The following MYO15B variants were observed in gnomAD, a reference collection of about 807,000 sequenced individuals.
MYO15B encodes the protein myosin XVB, also known as myosin XVB pseudogene.
A neutral mutation model predicts 119.3 loss-of-function variants in MYO15B; 207 were observed. The observed-to-expected ratio is 1.73, with a 90% CI of 1.55 to 1.95. MYO15B has a LOEUF of 1.95. Ranked by LOEUF, MYO15B falls within the 30% of genes most tolerant of loss-of-function variation. The pLI is 0.00. For synonymous variants in MYO15B, 966 were observed against 498.9 expected (o/e 1.94, Z -12.48); for missense variants, 2,264 against 1,203.1 (o/e 1.88, Z -13.04).
intron 9 of MYO15B, 81 bp downstream of exon 9, chr17:75,592,921 T>C: frequency 1.5e-6 from 1 of 653,054 alleles, no homozygotes; most frequent in Non-Finnish European, 2.8e-6. Flanking sequence ...CAAATGCTGG[T>C]GTGTAGGAGA....
exon 49 of MYO15B, chr17:75,620,572 G>A (rs2058649573): frequency 1.4e-6 from 1 of 702,886 alleles, no homozygotes; most frequent in Non-Finnish European, 2.6e-6. Flanking sequence ...CAGAGGAGTG[G>A]CTGGCACAAG....
intron 57 of MYO15B, 22 bp downstream of exon 57, chr17:75,624,469 G>A (rs980803520): frequency 4.3e-6 from 3 of 702,836 alleles, no homozygotes; most frequent in African/African-American, 3.5e-5. Flanking sequence ...GGCCACCAAG[G>A]GAGGAGGCCT....
In MYO15B at chr17:75,618,038, G is replaced by A. The variant is rs1182625748; in HGVS notation, c.6928-88G>A. The A allele has an allele frequency of 1.2e-5, 8 of 694,332 alleles. No homozygotes were observed. In the East Asian group the frequency reaches 2.2e-4, roughly 19 times the overall value. 43.0% of individuals were successfully genotyped at this position (694,332 alleles called of 1,614,324 possible). The stretch of plus-strand genomic sequence containing the variant: ...CCCTCCCCACAGCCCACCATCTCAA[G>A]GCTGATTTTCCAGGCCTGGGAGGGC... On this transcript the variant is annotated intron_variant, in intron 42 of 63. Transcript: ENST00000645453.
chr17:75,613,742 C>G (rs1054148070), exon 29 of MYO15B: 3 of 702,494 alleles, frequency 4.3e-6, no homozygotes, highest in Non-Finnish European at 5.2e-6. Context: ...CTTGGACCAC[C>G]GGGGAGCAGC....
exon 32 of MYO15B, chr17:75,614,812 A>G (rs1418501393): frequency 1.4e-6 from 1 of 702,772 alleles, no homozygotes; most frequent in Non-Finnish European, 2.6e-6. Context: ...GGCTTCCTGG[A>G]CCAGATCTTC....
In MYO15B at chr17:75,619,205, G is replaced by GA; in HGVS notation, c.7053dup (p.Asp2352ArgfsTer122). On this transcript the variant is annotated frameshift_variant, in exon 44 of 64. Transcript: ENST00000645453. LOFTEE classifies it high-confidence loss of function. ...TTTCCCAGAATGAGCGGCGGAAAAT[G>GA]AAAGACCTGCTGGGTATGGGTCCAG... 1 of 702,840 alleles carries GA rather than the reference G, an allele frequency of 1.4e-6. No individual in the cohort carries two copies. Among genetic ancestry groups the GA allele is most frequent in the Non-Finnish European group, 2.6e-6 (1 of 384,994 alleles). 43.5% of individuals were successfully genotyped at this position (702,840 alleles called of 1,614,324 possible).
intron 13 of MYO15B, 69 bp from the exon 14 acceptor site, chr17:75,596,699 T>C (rs1355723269): frequency 3.0e-6 from 2 of 671,084 alleles, no homozygotes; most frequent in East Asian, 2.7e-5. Context: ...TGAGCCTCAA[T>C]GTACTATTCT....
At position 75,616,210 on chromosome 17, in the gene MYO15B, G is replaced by A. The variant is rs1286754308; in HGVS notation, c.6109+63G>A. On this transcript the variant is annotated intron_variant, in intron 37 of 63. Transcript: ENST00000645453. ...TGGCCAGTGCCCCTGGCCCGGGCCA[G>A]GGAGGGTGGGGTGTGCTCTGCTCCC... 4 of 574,672 alleles carry A rather than the reference G, an allele frequency of 7.0e-6. No individual in the cohort carries two copies. In the African/African-American group the frequency reaches 7.5e-5, roughly 11 times the overall value. The allele number at this position is 574,672 out of a possible 1,614,324, so 35.6% of individuals were successfully genotyped here. A position where few individuals can be genotyped will look rare whatever the true frequency, so the allele number is the denominator to read the frequency against.
At chr17:75,619,297 A>C (rs1327574255) in intron 44 of MYO15B, 61 bp from the exon 45 acceptor site, 5 of 702,080 alleles carry the variant, frequency 7.1e-6, no homozygotes, top group Non-Finnish European at 1.3e-5. Context: ...GCAGCATGGG[A>C]GCAAACTCTA....
intron 15 of MYO15B, chr17:75,602,177 G>T (rs2057326348): frequency 5.3e-6 from 2 of 375,882 alleles, no homozygotes; most frequent in Non-Finnish European, 5.0e-6. Flanking sequence ...CCCCAAAAAA[G>T]AAATACAAGG....
exon 22 of MYO15B, chr17:75,610,194 T>C (rs820136): frequency 0.052 from 36,177 of 701,024 alleles, 3,285 homozygotes; most frequent in African/African-American, 0.32. Context: ...GCGGGCAGCT[T>C]TGGGACAGCT....
chr17:75,610,414 C>T (rs545885251), intron 22 of MYO15B, among the ~76,000 whole-genome samples, 155 bp downstream of exon 22: 198 of 152,314 alleles, frequency 1.3e-3, no homozygotes, highest in African/African-American at 4.4e-3. Context: ...CTTTTCCCTC[C>T]GGCCGGGGTA....
Position 75,616,519 on chromosome 17 carries a change from G to A in MYO15B, c.6245-5G>A. On this transcript the variant is annotated splice_region_variant and splice_polypyrimidine_tract_variant and intron_variant, in intron 38 of 63. Transcript: ENST00000645453. Reference sequence around the variant, plus strand: ...GGTTAACAGTCTTTCCTGTTTCCTGGTCAGTGCCGTCCCCTCCTCCTCCCC... The same window carrying A: ...GGTTAACAGTCTTTCCTGTTTCCTGATCAGTGCCGTCCCCTCCTCCTCCCC... 1 of 701,284 alleles carries A rather than the reference G, an allele frequency of 1.4e-6. No homozygotes were observed. The highest frequency in any genetic ancestry group is 1.5e-5 in the South Asian group (1 of 67,522). The allele number at this position is 701,284 out of a possible 1,614,324, so 43.4% of individuals were successfully genotyped here.
chr17:75,588,283 G>A, exon 1 of MYO15B: 1 of 398,294 alleles, frequency 2.5e-6, no homozygotes, highest in Non-Finnish European at 4.4e-6. Flanking sequence ...GGGGAACGGC[G>A]GCTGCAGACG....
At chr17:75,615,958 G>A (rs927598727) in intron 36 of MYO15B, 74 bp downstream of exon 36, 4 of 603,168 alleles carry the variant, frequency 6.6e-6, no homozygotes, top group Non-Finnish European at 8.9e-6. Flanking sequence ...TGGGCAGGGT[G>A]AGTAGGCAGA....
At chr17:75,587,883 C>G (rs1023457490) in exon 1 of MYO15B, among the ~76,000 whole-genome samples, 4 of 152,266 alleles carry the variant, frequency 2.6e-5, no homozygotes, top group Admixed American at 2.6e-4. Flanking sequence ...CAGGACCCGC[C>G]GCCTTCTGCA....
chr17:75,603,523 G>A (rs774567049), intron 19 of MYO15B, among the ~76,000 whole-genome samples: 1 of 151,968 alleles, frequency 6.6e-6, no homozygotes, highest in African/African-American at 2.4e-5. Flanking sequence ...ATCCCTCCAC[G>A]CATTCGTCAT....
exon 59 of MYO15B, chr17:75,624,881 G>C (rs1415826459): frequency 1.4e-6 from 1 of 703,010 alleles, no homozygotes; most frequent in African/African-American, 1.7e-5. Context: ...ACTGCACTTC[G>C]ATAACTCCAC....
rs111352857 is a variant in MYO15B, at chr17:75,590,921, T to C, written c.2265T>C (p.Pro755=). The C allele has an allele frequency of 5.3e-3, 2,651 of 499,996 alleles. 54 individuals carry two copies. The highest frequency in any genetic ancestry group is 0.046 in the African/African-American group (2,366 of 51,464). The allele number at this position is 499,996 out of a possible 1,614,324, so 31.0% of individuals were successfully genotyped here. The stretch of plus-strand genomic sequence containing the variant: ...TTCCTCCCCAGACCTTTGGGGGGCC[T>C]GTCTTGCTTGTTCTGAACCCCCACC... Residue 755 remains proline, a synonymous_variant, in exon 3 of 64, where the codon CCT becomes CCC. Transcript: ENST00000645453.
Sources: allele counts gnomAD v4.1 joint callset (sites outside exome capture counted in the v4.1 genomes callset), GRCh38; gene constraint gnomAD v4.1.1; transcripts MANE v1.5; gene names NCBI Gene and HGNC (gene_info 2026-07-23, HGNC 2026-07-21).